Variants in LTBP1 observed in about 807,000 individuals in gnomAD.
LTBP1 encodes latent-transforming growth factor beta-binding protein 1.
LTBP1 carries 129 observed loss-of-function variants against 207.6 expected under a neutral mutation model. That is an observed-to-expected ratio of 0.62 (90% CI 0.54 to 0.72). The LOEUF (loss-of-function observed/expected upper bound fraction) is 0.72, where lower values mean the gene tolerates loss of function less well. Ranked by LOEUF, LTBP1 falls within the 30% of genes least tolerant of loss-of-function variation. LTBP1 has a pLI of 0.00. For missense variants in LTBP1, 2,281 were observed against 2,217.2 expected, an observed-to-expected ratio of 1.03 and a Z score of -0.58; for synonymous variants, 963 against 833.7, an observed-to-expected ratio of 1.16 and a Z score of -2.67.
chr2:32,965,727 C>T (rs1679901691), intron 2 of LTBP1, among the ~76,000 whole-genome samples: 1 of 152,180 alleles, frequency 6.6e-6, no homozygotes. Context: ...CCATCATCTG[C>T]TGAAGGACAT....
At chr2:33,177,149 AT>A (rs2086146293) in intron 5 of LTBP1, among the ~76,000 whole-genome samples, 1 of 152,176 alleles carries the variant, frequency 6.6e-6, no homozygotes, top group South Asian at 2.1e-4. Context: ...CTTAATGTCT[AT>A]GCTCTGTATT....
intron 7 of LTBP1, among the ~76,000 whole-genome samples, chr2:33,190,476 A>G (rs1432395255): frequency 6.6e-6 from 1 of 152,112 alleles, no homozygotes; most frequent in African/African-American, 2.4e-5. Flanking sequence ...AGGAGGGGAG[A>G]TTGTAGACCT....
intron 7 of LTBP1, among the ~76,000 whole-genome samples, chr2:33,202,969 A>T (rs1172877935): frequency 6.6e-6 from 1 of 152,248 alleles, no homozygotes; most frequent in African/African-American, 2.4e-5. Flanking sequence ...GGAATAAGTC[A>T]TTAACACCAG....
chr2:33,368,509 C>T (rs1041286232), intron 31 of LTBP1, among the ~76,000 whole-genome samples: 1 of 152,200 alleles, frequency 6.6e-6, no homozygotes. Context: ...TCCATGTATG[C>T]GTCTGCAGGA....
chr2:33,090,700 A>G (rs1350123200), intron 3 of LTBP1, among the ~76,000 whole-genome samples: 5 of 152,146 alleles, frequency 3.3e-5, no homozygotes, highest in East Asian at 3.9e-4. Flanking sequence ...GCTGTCTTCA[A>G]AGGAGGGGTT....
intron 7 of LTBP1, among the ~76,000 whole-genome samples, chr2:33,207,624 G>T (rs913142311): frequency 9.2e-5 from 14 of 152,188 alleles, no homozygotes; most frequent in African/African-American, 3.1e-4. Flanking sequence ...CTTCTTATGA[G>T]ACAATGCCTG....
intron 24 of LTBP1, among the ~76,000 whole-genome samples, chr2:33,325,712 A>G (rs1225746770): frequency 6.6e-6 from 1 of 152,250 alleles, no homozygotes; most frequent in Non-Finnish European, 1.5e-5. Flanking sequence ...AAATGAAGTT[A>G]AGATTTTCCC....
In LTBP1 at chr2:33,301,393, G is replaced by A. The variant is rs183429190; in HGVS notation, c.3359-129G>A. The A allele has an allele frequency of 1.0e-4, 113 of 1,106,664 alleles. No homozygotes were observed. In the Admixed American group the frequency reaches 1.6e-3, roughly 15 times the overall value. 68.6% of individuals were successfully genotyped at this position (1,106,664 alleles called of 1,614,324 possible). A position where few individuals can be genotyped will look rare whatever the true frequency, so the allele number is the denominator to read the frequency against. ...TCTCCTGAGATAGTATTACAAAAGC[G>A]ACAATACATGATGGTCATTACTTGT... On this transcript the variant is annotated intron_variant, in intron 21 of 33. Transcript: ENST00000404816.
chr2:33,036,757 C>A (rs1462330893), intron 3 of LTBP1, among the ~76,000 whole-genome samples: 1 of 152,158 alleles, frequency 6.6e-6, no homozygotes, highest in African/African-American at 2.4e-5. Flanking sequence ...TGTGCCCAGC[C>A]TCGTGATGAA....
At chr2:33,078,861 T>TTTG (rs774640886) in intron 3 of LTBP1, among the ~76,000 whole-genome samples, 1 of 121,216 alleles carries the variant, frequency 8.2e-6, no homozygotes, top group Non-Finnish European at 1.8e-5. Flanking sequence ...TCTTTTCTTT[T>TTTG]CTTTTTTTTT....
At chr2:33,170,788 G>GC (rs1182015265) in intron 5 of LTBP1, among the ~76,000 whole-genome samples, 1 of 151,948 alleles carries the variant, frequency 6.6e-6, no homozygotes, top group Non-Finnish European at 1.5e-5. Flanking sequence ...CACCTCACAC[G>GC]GCCGGGTACT....
rs983702037 is a variant in LTBP1 at position 33,266,711 on chromosome 2, T to A, written c.2617+3319T>A. Reference sequence around the variant, plus strand: ...TTCGGGTCTCCTCAGCTTTTCAGGATGACGTGCCCGCAGAAAGGAGCTACC... The same window carrying A: ...TTCGGGTCTCCTCAGCTTTTCAGGAAGACGTGCCCGCAGAAAGGAGCTACC... On this transcript the variant is annotated intron_variant, in intron 15 of 33. Coordinates refer to ENST00000404816, the MANE Select transcript of LTBP1 (RefSeq NM_206943.4). Among the ~76,000 whole-genome samples the A allele has an allele frequency of 3.3e-5, 5 of 152,254 alleles. No individual in the cohort carries two copies. The East Asian group carries it at 9.7e-4, about 30-fold the overall frequency.
chr2:33,246,284 T>C (rs2092506110), intron 10 of LTBP1, among the ~76,000 whole-genome samples: 1 of 152,132 alleles, frequency 6.6e-6, no homozygotes. Context: ...TCCTTTAGGA[T>C]TTGCGATTTG....
At chr2:33,162,912 G>T (rs1205054567) in intron 5 of LTBP1, among the ~76,000 whole-genome samples, 1 of 152,200 alleles carries the variant, frequency 6.6e-6, no homozygotes, top group Non-Finnish European at 1.5e-5. Context: ...CAAAGGCAAA[G>T]GGCTCTGGGA....
At chr2:33,163,257 G>A (rs910813296) in intron 5 of LTBP1, among the ~76,000 whole-genome samples, 1 of 152,208 alleles carries the variant, frequency 6.6e-6, no homozygotes, top group East Asian at 1.9e-4. Context: ...GGGATTACAG[G>A]TGTGAACCAC....
At chr2:33,370,442 G>A (rs559111640) in intron 31 of LTBP1, among the ~76,000 whole-genome samples, 10 of 152,258 alleles carry the variant, frequency 6.6e-5, no homozygotes, top group South Asian at 2.1e-4. Context: ...AAGATGGGGC[G>A]GGGCGCGAGA....
chr2:33,278,694 C>T (rs1330566987), intron 18 of LTBP1, among the ~76,000 whole-genome samples: 2 of 152,120 alleles, frequency 1.3e-5, no homozygotes, highest in African/African-American at 4.8e-5. Context: ...ATGGCATTCT[C>T]TGATTTAGCA....
chr2:33,082,441 T>A (rs928327062), intron 3 of LTBP1, among the ~76,000 whole-genome samples: 11,049 of 105,496 alleles, frequency 0.1, 1,684 homozygotes, highest in Non-Finnish European at 0.14. Flanking sequence ...ACTTTTTTTT[T>A]TTTTTTTTTT....
chr2:32,998,512 TAAAAAAAAAAA>T (rs769287082), intron 2 of LTBP1, among the ~76,000 whole-genome samples: 15 of 29,264 alleles, frequency 5.1e-4, no homozygotes, highest in African/African-American at 1.1e-3. Flanking sequence ...GACTCCATCT[TAAAAAAAAAAA>T]AAAAAAAAAA....
Sources: allele counts gnomAD v4.1 joint callset (sites outside exome capture counted in the v4.1 genomes callset), GRCh38; gene constraint gnomAD v4.1.1; transcripts MANE v1.5; gene names NCBI Gene and HGNC (gene_info 2026-07-23, HGNC 2026-07-21).